SYNE2: variants seen among roughly 807,000 people sequenced by gnomAD.
The protein encoded by SYNE2 is spectrin repeat containing nuclear envelope protein 2, also known as nesprin-2.
In SYNE2, 431 loss-of-function variants were observed where a neutral mutation model predicts 856.3. The ratio of observed to expected loss-of-function variants is 0.50; its 90% CI spans 0.47 to 0.55. The LOEUF (loss-of-function observed/expected upper bound fraction) is 0.55. Among genes scored for constraint, SYNE2 ranks in the 20% least tolerant of loss-of-function variants. The pLI is 0.00. For synonymous variants in SYNE2, 2,923 were observed against 2,872.3 expected, an observed-to-expected ratio of 1.02 and a Z score of -0.56; for missense variants, 8,129 against 8,023.2, an observed-to-expected ratio of 1.01 and a Z score of -0.50.
chr14:64,021,287 TACA>T, intron 35 of SYNE2, 25 bp from the exon 36 acceptor site: 1 of 1,570,306 alleles, frequency 6.4e-7, no homozygotes, highest in Non-Finnish European at 8.8e-7. Flanking sequence ...ATGACTGTTA[TACA>T]ACTTCATATA....
At chr14:63,933,740 CT>C (rs1325527688) in intron 2 of SYNE2, among the ~76,000 whole-genome samples, 5 of 152,164 alleles carry the variant, frequency 3.3e-5, no homozygotes, top group African/African-American at 9.6e-5. Flanking sequence ...GTATTATTCT[CT>C]TTATTTCTTT....
intron 94 of SYNE2, among the ~76,000 whole-genome samples, chr14:64,171,075 C>CA (rs2098408261): frequency 6.6e-6 from 1 of 152,082 alleles, no homozygotes; most frequent in Non-Finnish European, 1.5e-5. Context: ...CATGCACTCA[C>CA]AAAATTTTAA....
chr14:63,784,053 A>G (rs911053830), intron 1 of SYNE2, among the ~76,000 whole-genome samples: 1 of 152,212 alleles, frequency 6.6e-6, no homozygotes, highest in East Asian at 1.9e-4. Context: ...AAAAATATAC[A>G]TGTGCATATA....
intron 1 of SYNE2, among the ~76,000 whole-genome samples, chr14:63,844,544 G>A (rs151120051): frequency 0.015 from 2,211 of 152,262 alleles, 20 homozygotes; most frequent in Non-Finnish European, 0.024. Flanking sequence ...CAAGGAGCAA[G>A]ATTACATAAA....
intron 1 of SYNE2, among the ~76,000 whole-genome samples, chr14:63,796,734 AGATTTCAAGGCTGCAGAGCACTAT>A (rs1304915253): frequency 2.6e-5 from 4 of 151,866 alleles, no homozygotes; most frequent in African/African-American, 9.7e-5. Flanking sequence ...GATATAACTC[AGATTTCAAGGCTGCAGAGCACTAT>A]GATTACAGCT....
intron 14 of SYNE2, 91 bp downstream of exon 14, chr14:63,979,105 T>C: frequency 7.3e-7 from 1 of 1,368,904 alleles, no homozygotes; most frequent in Non-Finnish European, 1.0e-6. Flanking sequence ...CATTAACTCT[T>C]CGGGTTTTGA....
intron 63 of SYNE2, chr14:64,100,500 G>C (rs1380342480): frequency 1.4e-5 from 1 of 71,688 alleles, no homozygotes. Context: ...TGGGTGACAA[G>C]AGCAAAACTG....
intron 68 of SYNE2, 123 bp from the exon 69 acceptor site, chr14:64,121,889 G>A: frequency 2.3e-6 from 3 of 1,313,844 alleles, no homozygotes; most frequent in Non-Finnish European, 1.1e-6. Flanking sequence ...ATGCAAGAAA[G>A]AGAAATAGTA....
intron 1 of SYNE2, among the ~76,000 whole-genome samples, chr14:63,766,508 A>C (rs1886690676): frequency 6.6e-6 from 1 of 152,188 alleles, no homozygotes; most frequent in Non-Finnish European, 1.5e-5. Flanking sequence ...CCTGGGGAGC[A>C]GTTTCTTTGT....
intron 45 of SYNE2, among the ~76,000 whole-genome samples, chr14:64,033,257 T>G (rs1379541071): frequency 1.3e-5 from 2 of 152,190 alleles, no homozygotes; most frequent in African/African-American, 4.8e-5. Flanking sequence ...TCCTAACACA[T>G]GAGCTTGCTA....
intron 54 of SYNE2, among the ~76,000 whole-genome samples, chr14:64,077,421 G>A (rs552547194): frequency 5.3e-5 from 8 of 151,948 alleles, no homozygotes; most frequent in African/African-American, 1.7e-4. Context: ...CTGCAGTATG[G>A]TCTGGGGAAT....
At position 64,087,854 on chromosome 14, in the gene SYNE2, G is replaced by C. The variant is rs1274345309; in HGVS notation, c.11668G>C (p.Asp3890His). The stretch of plus-strand genomic sequence containing the variant: ...CCTTCCACAGATTCAGCGAATGGCT[G>C]ATGTAAGTTTGCACCATTCATTTAA... ...ESLPQIQRMA[D>H]DVVAIESEVK... The change falls in exon 58 of 116, where the codon GAT becomes CAT. Residue 3890 changes from aspartate (D) to histidine (H), a missense_variant and splice_region_variant. Around this residue, in one of 3 missense-constraint regions of SYNE2, gnomAD observed 5,410 missense variants for 5,284.8 expected, o/e 1.02. Coordinates refer to ENST00000555002, the MANE Select transcript of SYNE2 (RefSeq NM_182914.3). 3 of 1,613,994 alleles carry C rather than the reference G, an allele frequency of 1.9e-6. No homozygotes were observed. The East Asian group carries it at 6.7e-5, about 36-fold the overall frequency.
Position 64,170,385 on chromosome 14 carries a change from A to C in SYNE2, c.17158A>C (p.Ser5720Arg). The change falls in exon 94 of 116, where the codon AGC becomes CGC. Residue 5720 changes from serine to arginine, a missense_variant. Ser to Arg is a moderately radical substitution (Grantham distance 110, BLOSUM62 -1). Around this residue, in one of 3 missense-constraint regions of SYNE2, gnomAD observed 5,410 missense variants for 5,284.8 expected, o/e 1.02. Transcript: ENST00000555002. ...CTTGTTTCGCTTCCTCACTGACACC[A>C]GCCACCTGCTATCTGCAGTGAAGGG... is the stretch of plus-strand genomic sequence containing the variant. ...ENLFRFLTDT[S>R]HLLSAVKGQE... 2 of 1,614,258 alleles carry C rather than the reference A, an allele frequency of 1.2e-6. No individual in the cohort carries two copies. The highest frequency in any genetic ancestry group is 2.2e-5 in the East Asian group (1 of 44,890).
intron 88 of SYNE2, 94 bp from the exon 89 acceptor site, chr14:64,163,308 A>G: frequency 7.0e-7 from 1 of 1,424,828 alleles, no homozygotes; most frequent in Non-Finnish European, 9.8e-7. Flanking sequence ...TTTTCAGGGC[A>G]AATATTCTCC....
At chr14:64,077,846 TA>T (rs563418303) in intron 54 of SYNE2, among the ~76,000 whole-genome samples, 6 of 151,398 alleles carry the variant, frequency 4.0e-5, no homozygotes, top group South Asian at 2.1e-4. Flanking sequence ...ATCGTTTAGA[TA>T]AAAAAAAATT....
rs2097949628 is a variant in SYNE2, at chr14:64,126,717, C to A, written c.13827C>A (p.Asn4609Lys). The change falls in exon 73 of 116, where the codon AAC becomes AAA. Residue 4609 changes from asparagine (N) to lysine (K), a missense_variant. This residue lies in a region of SYNE2 where 5,410 missense variants were observed against 5,284.8 expected (regional missense o/e 1.02). Transcript: ENST00000555002. ...NTNLLLECFD[N>K]LQVCLEHTQA... ...ACTTGCTCCTTGAATGTTTTGACAA[C>A]CTTCAAGTCTGCCTGGAGCACACTC... 1 of 1,614,080 alleles carries A rather than the reference C, an allele frequency of 6.2e-7. No homozygotes were observed. Among genetic ancestry groups the A allele is most frequent in the African/African-American group, 1.3e-5 (1 of 74,920 alleles).
intron 49 of SYNE2, among the ~76,000 whole-genome samples, chr14:64,057,941 T>A (rs1170040668): frequency 6.6e-6 from 1 of 152,234 alleles, no homozygotes; most frequent in Non-Finnish European, 1.5e-5. Flanking sequence ...TATTCAGATC[T>A]TTTGCCCATT....
At chr14:64,062,032 C>T (rs1401829175) in intron 49 of SYNE2, among the ~76,000 whole-genome samples, 2 of 152,096 alleles carry the variant, frequency 1.3e-5, no homozygotes, top group African/African-American at 2.4e-5. Context: ...TTTTTAGTTA[C>T]ATTCAATGGG....
chr14:64,167,158 AG>A, intron 90 of SYNE2, 74 bp from the exon 91 acceptor site: 1 of 1,592,754 alleles, frequency 6.3e-7, no homozygotes, highest in Non-Finnish European at 8.6e-7. Flanking sequence ...TTTATCTTTG[AG>A]GTAAGGAGGG....
Sources: allele counts gnomAD v4.1 joint callset (sites outside exome capture counted in the v4.1 genomes callset), GRCh38; gene constraint gnomAD v4.1.1; regional missense constraint gnomAD v4.1.1; transcripts MANE v1.5; gene names NCBI Gene and HGNC (gene_info 2026-07-23, HGNC 2026-07-21).